Variants in CAMK1D observed in about 807,000 individuals in gnomAD.
CAMK1D encodes the protein calcium/calmodulin-dependent protein kinase type 1D.
A neutral mutation model predicts 47.7 loss-of-function variants in CAMK1D; 9 were observed. That is an observed-to-expected ratio of 0.19 (90% CI 0.11 to 0.33). The LOEUF (loss-of-function observed/expected upper bound fraction) is 0.33. Ranked by LOEUF, CAMK1D falls within the 10% of genes least tolerant of loss-of-function variation. The pLI, the probability that CAMK1D is intolerant of heterozygous loss-of-function variation, is 1.00. For missense variants in CAMK1D, 291 were observed against 488.7 expected, an observed-to-expected ratio of 0.60 and a Z score of 3.81; for synonymous variants, 184 against 184.9, an observed-to-expected ratio of 0.99 and a Z score of 0.04.
intron 2 of CAMK1D, among the ~76,000 whole-genome samples, chr10:12,582,954 T>C (rs1837706025): frequency 1.3e-5 from 2 of 152,286 alleles, no homozygotes; most frequent in Middle Eastern, 3.4e-3. Context: ...AAACAATTTT[T>C]TTGCTGGGCA....
intron 1 of CAMK1D, among the ~76,000 whole-genome samples, chr10:12,481,141 A>G (rs943336868): frequency 1.3e-5 from 2 of 152,324 alleles, no homozygotes; most frequent in South Asian, 4.1e-4. Flanking sequence ...GTTACCAGCC[A>G]TTATTCCAGA....
chr10:12,376,598 G>A (rs1838188981), intron 1 of CAMK1D, among the ~76,000 whole-genome samples: 1 of 152,136 alleles, frequency 6.6e-6, no homozygotes, highest in African/African-American at 2.4e-5. Flanking sequence ...TGCTTCTCCT[G>A]AGGTCCGGTG....
At chr10:12,781,754 C>T (rs934092305) in intron 5 of CAMK1D, among the ~76,000 whole-genome samples, 9 of 151,364 alleles carry the variant, frequency 5.9e-5, no homozygotes, top group African/African-American at 1.7e-4. Context: ...CAGGTTCAAG[C>T]GATTCTCCTG....
chr10:12,554,398 G>A lies in CAMK1D; in HGVS notation c.224+1042G>A, dbSNP rs1276299235. On this transcript the variant is annotated intron_variant, in intron 2 of 10. Coordinates refer to ENST00000619168, the MANE Select transcript of CAMK1D (RefSeq NM_153498.4). ...TTGAACTCCTGACCTCAGGTGATCCGCCCGCCTTGGCCTCCCAAAGTGCTG... is the reference window on the plus strand; with the variant it reads ...TTGAACTCCTGACCTCAGGTGATCCACCCGCCTTGGCCTCCCAAAGTGCTG... 1.1e-4 allele frequency among the ~76,000 whole-genome samples: 14 copies of A among 128,438 alleles called. 4 individuals carry two copies. The highest frequency in any genetic ancestry group is 7.7e-5 in the Admixed American group (1 of 13,012). 84.3% of individuals were successfully genotyped at this position (128,438 alleles called of 152,430 possible).
chr10:12,690,193 A>G (rs1832822393), intron 3 of CAMK1D, among the ~76,000 whole-genome samples: 2 of 152,220 alleles, frequency 1.3e-5, no homozygotes, highest in African/African-American at 4.8e-5. Context: ...GAGAACTGCC[A>G]GAAATATGTG....
chr10:12,497,041 CA>C (rs1441717646), intron 1 of CAMK1D, among the ~76,000 whole-genome samples: 3 of 152,198 alleles, frequency 2.0e-5, no homozygotes, highest in Non-Finnish European at 2.9e-5. Flanking sequence ...CTTCCAGCTT[CA>C]TGCATGTCCC....
intron 1 of CAMK1D, among the ~76,000 whole-genome samples, chr10:12,478,350 C>T (rs1833964070): frequency 6.6e-6 from 1 of 152,042 alleles, no homozygotes; most frequent in South Asian, 2.1e-4. Context: ...GTCACCCAGG[C>T]TAGAGTGTTG....
chr10:12,668,330 G>A (rs78850748), intron 3 of CAMK1D, among the ~76,000 whole-genome samples: 2,013 of 152,266 alleles, frequency 0.013, 40 homozygotes, highest in South Asian at 0.11. Flanking sequence ...ATTTAAATGT[G>A]TGTTTTTTCA....
In CAMK1D at chr10:12,716,853, G is replaced by A. The variant is rs949215263; in HGVS notation, c.300-44095G>A. Among the ~76,000 whole-genome samples, 14 of 152,204 alleles carry A rather than the reference G, an allele frequency of 9.2e-5. 1 individual carries two copies. Among genetic ancestry groups the A allele is most frequent in the Admixed American group, 4.6e-4 (7 of 15,286 alleles). On this transcript the variant is annotated intron_variant, in intron 3 of 10. Coordinates refer to ENST00000619168, the MANE Select transcript of CAMK1D (RefSeq NM_153498.4). ...AGAGGCCAGGCTGGTACCATCACCC[G>A]CGGCCTGGCTGTCGGGACTCTCTTA...
intron 1 of CAMK1D, among the ~76,000 whole-genome samples, chr10:12,392,757 C>T (rs888539673): frequency 2.0e-5 from 3 of 152,114 alleles, no homozygotes; most frequent in Non-Finnish European, 4.4e-5. Flanking sequence ...ACTTTTTCCT[C>T]CCAGCTGAAA....
chr10:12,529,790 A>T (rs1354368158), intron 1 of CAMK1D, among the ~76,000 whole-genome samples: 1 of 152,186 alleles, frequency 6.6e-6, no homozygotes, highest in Non-Finnish European at 1.5e-5. Context: ...AAAGCCCTTA[A>T]GGCAATATAT....
At chr10:12,492,341 T>G (rs1167513630) in intron 1 of CAMK1D, among the ~76,000 whole-genome samples, 1 of 119,936 alleles carries the variant, frequency 8.3e-6, no homozygotes, top group East Asian at 3.1e-4. Flanking sequence ...GAGTAACACC[T>G]CATCTCAAAA....
At chr10:12,522,055 A>G (rs1835432836) in intron 1 of CAMK1D, among the ~76,000 whole-genome samples, 1 of 151,670 alleles carries the variant, frequency 6.6e-6, no homozygotes, top group Non-Finnish European at 1.5e-5. Flanking sequence ...TATTTGAGCC[A>G]TTTACATTTA....
chr10:12,554,108 T>TC (rs1836681014), intron 2 of CAMK1D, among the ~76,000 whole-genome samples: 2 of 151,900 alleles, frequency 1.3e-5, no homozygotes, highest in African/African-American at 4.8e-5. Context: ...TTCTTTTTTT[T>TC]ATTTCCTTTC....
intron 2 of CAMK1D, among the ~76,000 whole-genome samples, chr10:12,577,772 T>C (rs1837535298): frequency 6.6e-6 from 1 of 152,362 alleles, no homozygotes; most frequent in Non-Finnish European, 1.5e-5. Context: ...GATGCTTGGC[T>C]GACATCGTTA....
At position 12,675,816 on chromosome 10, in the gene CAMK1D, C is replaced by T. The variant is rs150808095; in HGVS notation, c.299+9006C>T. Reference sequence around the variant, plus strand: ...AAACCTCTCTGACTTCCTGTCCCACCTTTCTTTCGTTCAGCTGCAGCCTGT... The same window carrying T: ...AAACCTCTCTGACTTCCTGTCCCACTTTTCTTTCGTTCAGCTGCAGCCTGT... On this transcript the variant is annotated intron_variant, in intron 3 of 10. Transcript: ENST00000619168. Among the ~76,000 whole-genome samples the T allele has an allele frequency of 1.3e-3, 202 of 152,284 alleles. 1 individual carries two copies. Among genetic ancestry groups the T allele is most frequent in the African/African-American group, 4.6e-3 (191 of 41,554 alleles).
intron 1 of CAMK1D, among the ~76,000 whole-genome samples, chr10:12,434,859 T>G (rs888719465): frequency 1.3e-5 from 2 of 152,128 alleles, no homozygotes; most frequent in African/African-American, 4.8e-5. Flanking sequence ...AGGCTGGCCC[T>G]TGGGCATGAC....
intron 8 of CAMK1D, among the ~76,000 whole-genome samples, 198 bp downstream of exon 8, chr10:12,816,526 G>C (rs1832800859): frequency 6.6e-6 from 1 of 152,086 alleles, no homozygotes. Flanking sequence ...GCTTCTGGAA[G>C]CACCATGAGA....
chr10:12,604,564 G>A (rs1838395574), intron 2 of CAMK1D, among the ~76,000 whole-genome samples: 3 of 152,082 alleles, frequency 2.0e-5, no homozygotes, highest in Admixed American at 6.5e-5. Context: ...AGAAACTTGA[G>A]GGCCACTTTT....
Sources: allele counts gnomAD v4.1 joint callset (sites outside exome capture counted in the v4.1 genomes callset), GRCh38; gene constraint gnomAD v4.1.1; transcripts MANE v1.5; gene names NCBI Gene and HGNC (gene_info 2026-07-23, HGNC 2026-07-21).